FHIT: variants seen among roughly 807,000 people sequenced by gnomAD.
FHIT encodes fragile histidine triad diadenosine triphosphatase.
FHIT carries 19 observed loss-of-function variants against 17.9 expected under a neutral mutation model. The observed-to-expected ratio is 1.06, with a 90% confidence interval of 0.74 to 1.56. The LOEUF is 1.56. Among genes scored for constraint, FHIT ranks in the 40% most tolerant of loss-of-function variants. The pLI is 0.00. For synonymous variants in FHIT, 81 were observed against 69.7 expected (o/e 1.16, Z -0.81); for missense variants, 248 against 189.2 (o/e 1.31, Z -1.82).
At position 60,199,358 on chromosome 3, in the gene FHIT, G is replaced by T. The variant is rs1420592325; in HGVS notation, c.104-185206C>A. ...TTTGTTTTTCTTTTTTAAGTTTGGT[G>T]AGACAGGCTAAATTGAATTCAAAAT... On this transcript the variant is annotated intron_variant, in intron 5 of 9. Transcript: ENST00000492590. 2.0e-5 allele frequency among the ~76,000 whole-genome samples: 3 copies of T among 152,108 alleles called. No homozygotes were observed. The East Asian group carries it at 5.8e-4, about 29-fold the overall frequency.
chr3:59,876,660 C>G (rs73100606), intron 8 of FHIT, among the ~76,000 whole-genome samples: 3,563 of 152,326 alleles, frequency 0.023, 49 homozygotes, highest in South Asian at 0.062. Flanking sequence ...GTAGAGAACA[C>G]CTCCTGCCAC....
At chr3:60,033,218 C>T (rs1226578680) in intron 5 of FHIT, among the ~76,000 whole-genome samples, 1 of 152,154 alleles carries the variant, frequency 6.6e-6, no homozygotes, top group East Asian at 1.9e-4. Flanking sequence ...GATAATGGGG[C>T]CAGGTGCAGT....
intron 2 of FHIT, among the ~76,000 whole-genome samples, chr3:61,098,089 A>C (rs556451034): frequency 6.6e-6 from 1 of 152,256 alleles, no homozygotes; most frequent in South Asian, 2.1e-4. Context: ...GGGGTTTTAC[A>C]TTTAAGTCTT....
intron 4 of FHIT, among the ~76,000 whole-genome samples, chr3:60,809,198 C>T (rs1553735350): frequency 6.6e-6 from 1 of 152,066 alleles, no homozygotes; most frequent in East Asian, 1.9e-4. Flanking sequence ...ATTGACATAT[C>T]ATTAAATATG....
At chr3:60,490,311 C>T (rs1035735447) in intron 5 of FHIT, among the ~76,000 whole-genome samples, 2 of 152,006 alleles carry the variant, frequency 1.3e-5, no homozygotes, top group Non-Finnish European at 2.9e-5. Context: ...TCAAAATAAA[C>T]TCTCACCTTA....
chr3:60,176,771 G>C (rs1701691855), intron 5 of FHIT, among the ~76,000 whole-genome samples: 1 of 152,154 alleles, frequency 6.6e-6, no homozygotes, highest in Non-Finnish European at 1.5e-5. Context: ...GAGGAAGCTG[G>C]TTTAATGAAA....
chr3:61,100,683 T>A (rs2035791763), intron 2 of FHIT, among the ~76,000 whole-genome samples: 1 of 152,244 alleles, frequency 6.6e-6, no homozygotes, highest in Non-Finnish European at 1.5e-5. Context: ...ACCAATAGTG[T>A]AAAAGCATTT....
chr3:60,353,849 G>C (rs1699528816), intron 5 of FHIT, among the ~76,000 whole-genome samples: 1 of 152,100 alleles, frequency 6.6e-6, no homozygotes, highest in South Asian at 2.1e-4. Context: ...TATAAGAAGT[G>C]TGTAAAGAAG....
At chr3:61,064,868 A>G (rs948362735) in intron 2 of FHIT, among the ~76,000 whole-genome samples, 7 of 152,142 alleles carry the variant, frequency 4.6e-5, no homozygotes, top group Admixed American at 1.3e-4. Flanking sequence ...CCCACAACTG[A>G]TATGCATGTG....
At chr3:60,727,830 C>T (rs1466645219) in intron 4 of FHIT, among the ~76,000 whole-genome samples, 4 of 152,028 alleles carry the variant, frequency 2.6e-5, no homozygotes, top group African/African-American at 4.8e-5. Flanking sequence ...GGTGAAACCC[C>T]ATCTCTACTA....
intron 4 of FHIT, among the ~76,000 whole-genome samples, chr3:60,781,645 C>T (rs1700393105): frequency 1.3e-5 from 2 of 152,128 alleles, no homozygotes; most frequent in Non-Finnish European, 2.9e-5. Context: ...ATTGCTAGCT[C>T]TCTCTACTTT....
chr3:61,216,610 G>C (rs1406940960), intron 1 of FHIT, among the ~76,000 whole-genome samples: 1 of 152,164 alleles, frequency 6.6e-6, no homozygotes, highest in Non-Finnish European at 1.5e-5. Flanking sequence ...TCTAGAACTA[G>C]AAATACCATT....
intron 5 of FHIT, among the ~76,000 whole-genome samples, chr3:60,202,131 T>C (rs1002241241): frequency 6.6e-6 from 1 of 152,226 alleles, no homozygotes; most frequent in Non-Finnish European, 1.5e-5. Context: ...GGAAAGAGCA[T>C]CTTTTCAGAG....
intron 3 of FHIT, among the ~76,000 whole-genome samples, chr3:60,921,865 T>G (rs1414371373): frequency 6.6e-6 from 1 of 152,168 alleles, no homozygotes; most frequent in African/African-American, 2.4e-5. Flanking sequence ...TTTTCCAACT[T>G]AGCCCCTGAT....
At chr3:60,785,598 T>G (rs1553726657) in intron 4 of FHIT, among the ~76,000 whole-genome samples, 1 of 152,138 alleles carries the variant, frequency 6.6e-6, no homozygotes, top group East Asian at 1.9e-4. Flanking sequence ...AGACAGCAAT[T>G]GAGCTATTCC....
intron 5 of FHIT, among the ~76,000 whole-genome samples, chr3:60,344,463 A>T (rs928484859): frequency 2.0e-5 from 3 of 152,214 alleles, no homozygotes; most frequent in Non-Finnish European, 4.4e-5. Context: ...ACAGATTGAG[A>T]AAAGTCACTC....
intron 7 of FHIT, among the ~76,000 whole-genome samples, chr3:59,950,136 C>T (rs964024913): frequency 6.6e-6 from 1 of 152,176 alleles, no homozygotes; most frequent in Non-Finnish European, 1.5e-5. Flanking sequence ...TCCTTCTCTT[C>T]TTCTCTCTGG....
At position 61,032,261 on chromosome 3, in the gene FHIT, C is replaced by T. The variant is rs186508741; in HGVS notation, c.-111+9786G>A. 2.0e-5 allele frequency among the ~76,000 whole-genome samples: 3 copies of T among 152,308 alleles called. No individual in the cohort carries two copies. The East Asian group carries it at 5.8e-4, about 29-fold the overall frequency. On this transcript the variant is annotated intron_variant, in intron 3 of 9. Coordinates refer to ENST00000492590, the MANE Select transcript of FHIT (RefSeq NM_002012.4). ...AACTTAAAGTTTCAGTTTTAACCTCCTCATGGCTCCCTCTTGGAGCCAGGA... is the reference window on the plus strand; with the variant it reads ...AACTTAAAGTTTCAGTTTTAACCTCTTCATGGCTCCCTCTTGGAGCCAGGA...
At chr3:60,080,073 T>C (rs1402664651) in intron 5 of FHIT, among the ~76,000 whole-genome samples, 2 of 152,156 alleles carry the variant, frequency 1.3e-5, no homozygotes, top group African/African-American at 2.4e-5. Flanking sequence ...GAAAAAAATA[T>C]CTTTTCTATT....
Sources: allele counts gnomAD v4.1 joint callset (sites outside exome capture counted in the v4.1 genomes callset), GRCh38; gene constraint gnomAD v4.1.1; transcripts MANE v1.5; gene names NCBI Gene and HGNC (gene_info 2026-07-23, HGNC 2026-07-21).